Variants in ATP8B3 observed in about 807,000 individuals in gnomAD.
ATP8B3 encodes ATPase phospholipid transporting 8B3.
ATP8B3 carries 141 observed loss-of-function variants against 140.9 expected under a neutral mutation model. That is an observed-to-expected ratio of 1.00 (90% confidence interval 0.87 to 1.15). The LOEUF is 1.15. Among genes scored for constraint, ATP8B3 ranks in the 50% most tolerant of loss-of-function variants. The pLI is 0.00. For synonymous variants in ATP8B3, 765 were observed against 714.6 expected, an observed-to-expected ratio of 1.07 and a Z score of -1.13; for missense variants, 1,874 against 1,740.6, an observed-to-expected ratio of 1.08 and a Z score of -1.36.
intron 20 of ATP8B3, 75 bp from the exon 21 acceptor site, chr19:1,790,907 C>A: frequency 7.3e-7 from 1 of 1,366,904 alleles, no homozygotes; most frequent in South Asian, 1.3e-5. Context: ...CCACTCTGCC[C>A]GGTGAATCCT....
rs371832716 is a variant in ATP8B3, at chr19:1,811,472, G to A, written c.248+17C>T. 136 of 1,605,536 alleles carry A rather than the reference G, an allele frequency of 8.5e-5. No individual in the cohort carries two copies. The highest frequency in any genetic ancestry group is 1.1e-4 in the Non-Finnish European group (126 of 1,176,298). On this transcript the variant is annotated intron_variant, in intron 2 of 28. Coordinates refer to ENST00000310127, the MANE Select transcript of ATP8B3 (RefSeq NM_138813.4). ...CCCTGCCCCTGTGTTCCGGCCACCC[G>A]ATGCACCCGTCCTCACCCTTCTGGT...
Position 1,807,272 on chromosome 19 carries a change from G to C in ATP8B3, c.517-6C>G. The C allele has an allele frequency of 6.2e-7, 1 of 1,608,792 alleles. No homozygotes were observed. Among genetic ancestry groups the C allele is most frequent in the Non-Finnish European group, 8.5e-7 (1 of 1,176,956 alleles). ...GTGGAGATGTCGGGAATGCTCTGAC[G>C]TGAGGGGGCCACAGGAAGGGTCACA... On this transcript the variant is annotated splice_region_variant and splice_polypyrimidine_tract_variant and intron_variant, in intron 5 of 28. Coordinates refer to ENST00000310127, the MANE Select transcript of ATP8B3 (RefSeq NM_138813.4). This position sits in a 1 kb window ranked among gnomAD's most constrained non-coding sequence, Gnocchi z 5.9.
In ATP8B3 at chr19:1,785,148, T is replaced by G. The variant is rs2068263435; in HGVS notation, c.3532+11A>C. 1.4e-5 allele frequency: 22 copies of G among 1,551,428 alleles called. No homozygotes were observed. The highest frequency in any genetic ancestry group is 1.9e-5 in the Non-Finnish European group (22 of 1,149,876). Reference sequence around the variant, plus strand: ...CACGACCGCCCGTCCCACTTCCCCATGGGGGCTCACACAGAAACGGGAAGG... The same window carrying G: ...CACGACCGCCCGTCCCACTTCCCCAGGGGGGCTCACACAGAAACGGGAAGG... On this transcript the variant is annotated intron_variant, in intron 27 of 28. Transcript: ENST00000310127.
In ATP8B3 at chr19:1,807,188, G is replaced by A. The variant is rs770454732; in HGVS notation, c.595C>T (p.Arg199Trp). Residue 199 changes from arginine to tryptophan, a missense_variant, in exon 6 of 29, where the codon CGG becomes TGG. This residue lies in a region of ATP8B3 where 1,032 missense variants were observed against 963.6 expected (regional missense o/e 1.07). Transcript: ENST00000310127. This position sits in a 1 kb window ranked among gnomAD's most constrained non-coding sequence, Gnocchi z 5.9. ...CTCACCATGTCGTCCACCAGGTCCC[G>A]GGTGGCACGGATGAAGAGGAGGCAG... is the stretch of plus-strand genomic sequence containing the variant. ...MVCLLFIRAT[R>W]DLVDDMGRHK... is the part of the protein sequence containing the mutation. 1.6e-5 allele frequency: 26 copies of A among 1,611,842 alleles called. No homozygotes were observed. Among genetic ancestry groups the A allele is most frequent in the Middle Eastern group, 3.3e-4 (2 of 6,056 alleles).
chr19:1,796,917 C>A, intron 15 of ATP8B3, 38 bp from the exon 16 acceptor site: 1 of 1,610,856 alleles, frequency 6.2e-7, no homozygotes, highest in Non-Finnish European at 8.5e-7. Context: ...TGTGGGTGGG[C>A]CGCTCCCCGT....
chr19:1,783,192 C>T lies in ATP8B3; in HGVS notation c.3739G>A (p.Ala1247Thr). ...GAGAAAGCATAGCTGGAACGGCGGG[C>T]ACGAGACTCCCGGTGTACATGAGGC... The part of the protein sequence containing the change: ...PLPHVHRESR[A>T]RRSSYAFSHR... Residue 1247 changes from alanine (A) to threonine (T), a missense_variant, in exon 29 of 29, where the codon GCC (alanine) becomes ACC (threonine). By Grantham distance (58) the Ala-to-Thr change is moderately conservative (BLOSUM62 0). Coordinates refer to ENST00000310127, the MANE Select transcript of ATP8B3 (RefSeq NM_138813.4). The T allele has an allele frequency of 6.2e-7, 1 of 1,612,610 alleles. No homozygotes were observed. Among genetic ancestry groups the T allele is most frequent in the Non-Finnish European group, 8.5e-7 (1 of 1,179,424 alleles).
intron 27 of ATP8B3, 86 bp downstream of exon 27, chr19:1,785,073 A>G: frequency 6.7e-7 from 1 of 1,482,104 alleles, no homozygotes. Context: ...ACTTTGCCGG[A>G]CGACTGTCAT....
chr19:1,799,722 C>T, intron 14 of ATP8B3: 1 of 597,460 alleles, frequency 1.7e-6, no homozygotes. Context: ...CAAGATTGCA[C>T]CACTGCATTC....
Position 1,805,586 on chromosome 19 carries a change from G to T in ATP8B3, c.822-130C>A. On this transcript the variant is annotated intron_variant, in intron 9 of 28. Coordinates refer to ENST00000310127, the MANE Select transcript of ATP8B3 (RefSeq NM_138813.4). This position sits in a 1 kb window ranked among gnomAD's most constrained non-coding sequence, Gnocchi z 5.2. Reference sequence around the variant, plus strand: ...TAGTTCGCCAGCTGCCAGTCAGATGGCTGAGGCCCAGAGAGGGAGAAGGCC... The same window carrying T: ...TAGTTCGCCAGCTGCCAGTCAGATGTCTGAGGCCCAGAGAGGGAGAAGGCC... 1.1e-6 allele frequency: 1 copy of T among 870,296 alleles called. No individual in the cohort carries two copies. Among genetic ancestry groups the T allele is most frequent in the Non-Finnish European group, 1.9e-6 (1 of 540,088 alleles). 53.9% of individuals were successfully genotyped at this position (870,296 alleles called of 1,614,324 possible).
intron 27 of ATP8B3, 61 bp from the exon 28 acceptor site, chr19:1,785,007 A>G: frequency 6.4e-7 from 1 of 1,553,684 alleles, no homozygotes; most frequent in South Asian, 1.2e-5. Context: ...CCCCCAGGCT[A>G]GGGAGCGCCT....
At chr19:1,795,504 C>T (rs1388986554) in intron 18 of ATP8B3, among the ~76,000 whole-genome samples, 1 of 150,736 alleles carries the variant, frequency 6.6e-6, no homozygotes. Context: ...CGAGCCAAGA[C>T]TGTGCCACTG....
chr19:1,786,961 A>G, intron 25 of ATP8B3, 142 bp downstream of exon 25: 3 of 672,992 alleles, frequency 4.5e-6, no homozygotes, highest in Non-Finnish European at 7.4e-6. Flanking sequence ...GTGGGCAGGG[A>G]GAGGTACTGG....
In ATP8B3 at chr19:1,782,609, G is replaced by A. The variant is rs574520141; in HGVS notation, c.*419C>T. 5.8e-5 allele frequency: 14 copies of A among 241,658 alleles called. No homozygotes were observed. The East Asian group carries it at 8.4e-4, about 15-fold the overall frequency. The allele number at this position is 241,658 out of a possible 1,614,324, so 15.0% of individuals were successfully genotyped here. A position where few individuals can be genotyped will look rare whatever the true frequency, so the allele number is the denominator to read the frequency against. On this transcript the variant is annotated 3_prime_UTR_variant, in exon 29 of 29. Coordinates refer to ENST00000310127, the MANE Select transcript of ATP8B3 (RefSeq NM_138813.4). ...CTTCAAAAATGCTGACTTCTCCTCC[G>A]AGGAGTCTGGCTGGCTCTCCAACGT...
chr19:1,785,144 C>T lies in ATP8B3; in HGVS notation c.3532+15G>A, dbSNP rs754426217. The T allele has an allele frequency of 1.9e-6, 3 of 1,546,648 alleles. No individual in the cohort carries two copies. The highest frequency in any genetic ancestry group is 1.2e-5 in the South Asian group (1 of 81,216). ...GCACCACGACCGCCCGTCCCACTTCCCCATGGGGGCTCACACAGAAACGGG... is the reference window on the plus strand; with the variant it reads ...GCACCACGACCGCCCGTCCCACTTCTCCATGGGGGCTCACACAGAAACGGG... On this transcript the variant is annotated intron_variant, in intron 27 of 28. Transcript: ENST00000310127.
chr19:1,798,101 G>A (rs540484117), intron 14 of ATP8B3, among the ~76,000 whole-genome samples: 1 of 152,040 alleles, frequency 6.6e-6, no homozygotes, highest in Admixed American at 6.5e-5. Flanking sequence ...CTCCTGAGTA[G>A]CTGGGACTAC....
rs1269202765 is a variant in ATP8B3 at position 1,785,690 on chromosome 19, T to A, written c.3172A>T (p.Ser1058Cys). The A allele has an allele frequency of 2.1e-6, 3 of 1,418,310 alleles. No individual in the cohort carries two copies. Among genetic ancestry groups the A allele is most frequent in the Non-Finnish European group, 2.8e-6 (3 of 1,057,844 alleles). The allele number at this position is 1,418,310 out of a possible 1,614,324, so 87.9% of individuals were successfully genotyped here. ...ACGTACAGCTCCGGCTTCTCCAGGC[T>A]CTGCTCTGCGCTCACGTCCTTGGGG... ...LFEQDVSAEQ[S>C]LEKPELYVVG... The change falls in exon 26 of 29, where the codon AGC (serine) becomes TGC (cysteine). Residue 1058 changes from serine to cysteine, a missense_variant. By Grantham distance (112) the Ser-to-Cys change is moderately radical. Transcript: ENST00000310127.
intron 24 of ATP8B3, among the ~76,000 whole-genome samples, chr19:1,788,192 G>A (rs754303748): frequency 3.9e-5 from 6 of 152,370 alleles, no homozygotes; most frequent in Non-Finnish European, 7.3e-5. Flanking sequence ...CTACACGCAG[G>A]GAATAGCACT....
intron 4 of ATP8B3, among the ~76,000 whole-genome samples, chr19:1,809,406 C>A (rs1186215510): frequency 8.7e-5 from 12 of 137,166 alleles, no homozygotes; most frequent in African/African-American, 3.0e-4. Flanking sequence ...GCTTGAACCC[C>A]GGAGGTGGAG....
chr19:1,806,496 G>A lies in ATP8B3; in HGVS notation c.677+132C>T, dbSNP rs1029489102. ...CCAAACGCCTAATGAATGCAGGCCC[G>A]GTTCCTGTCGGACTCAACCAGCCGG... On this transcript the variant is annotated intron_variant, in intron 7 of 28. Coordinates refer to ENST00000310127, the MANE Select transcript of ATP8B3 (RefSeq NM_138813.4). This position sits in a 1 kb window ranked among gnomAD's most constrained non-coding sequence, Gnocchi z 5.6. 2.3e-5 allele frequency: 35 copies of A among 1,490,570 alleles called. No homozygotes were observed. Among genetic ancestry groups the A allele is most frequent in the Admixed American group, 4.3e-5 (2 of 46,108 alleles). The allele number at this position is 1,490,570 out of a possible 1,614,324, so 92.3% of individuals were successfully genotyped here.
Sources: allele counts gnomAD v4.1 joint callset (sites outside exome capture counted in the v4.1 genomes callset), GRCh38; gene constraint gnomAD v4.1.1; regional missense constraint gnomAD v4.1.1; non-coding constraint Gnocchi (gnomAD v3.1); transcripts MANE v1.5; gene names NCBI Gene and HGNC (gene_info 2026-07-23, HGNC 2026-07-21).